The following CTTN variants were observed in gnomAD, a reference collection of about 807,000 sequenced individuals.
CTTN encodes src substrate cortactin.
A neutral mutation model predicts 84.0 loss-of-function variants in CTTN; 28 were observed. The observed-to-expected ratio is 0.33, with a 90% CI of 0.25 to 0.46. CTTN has a LOEUF of 0.46. CTTN is among the 20% of genes least tolerant of loss of function. CTTN has a pLI of 1.00. For synonymous variants in CTTN, 301 were observed against 288.8 expected (o/e 1.04, Z -0.43); for missense variants, 641 against 723.8 (o/e 0.89, Z 1.31).
intron 8 of CTTN, among the ~76,000 whole-genome samples, chr11:70,417,655 C>T (rs1164792317): frequency 6.6e-6 from 1 of 152,098 alleles, no homozygotes; most frequent in African/African-American, 2.4e-5. Flanking sequence ...GCCACCACGC[C>T]CAGCTAATTT....
chr11:70,423,856 G>A (rs551953597), intron 12 of CTTN, among the ~76,000 whole-genome samples: 1 of 152,314 alleles, frequency 6.6e-6, no homozygotes, highest in East Asian at 1.9e-4. Flanking sequence ...AGGAACACTG[G>A]GGGGGTCTAC....
At chr11:70,426,833 C>A (rs1367312859) in intron 13 of CTTN, among the ~76,000 whole-genome samples, 1 of 151,742 alleles carries the variant, frequency 6.6e-6, no homozygotes, top group Non-Finnish European at 1.5e-5. Context: ...ATCTCCTGAC[C>A]TCATGATCTG....
At position 70,407,571 on chromosome 11, in the gene CTTN, C is replaced by T. The variant is rs142633573; in HGVS notation, c.141C>T (p.Ser47=). Residue 47 remains serine (S), a synonymous_variant, in exon 4 of 18, where the codon TCC becomes TCT. Coordinates refer to ENST00000301843, the MANE Select transcript of CTTN (RefSeq NM_005231.4). ...GGGGTGCCAAGACGGTGCAGGGCTCCGGGCACCAGGAGCATATCAAGTAAG... is the reference window on the plus strand; with the variant it reads ...GGGGTGCCAAGACGGTGCAGGGCTCTGGGCACCAGGAGCATATCAAGTAAG... ...QRWGAKTVQG[S]GHQEHINIHK... 186 of 1,613,672 alleles carry T rather than the reference C, an allele frequency of 1.2e-4. No homozygotes were observed. In the African/African-American group the frequency reaches 1.8e-3, roughly 16 times the overall value.
Position 70,429,048 on chromosome 11 carries a change from T to C in CTTN, c.1028-3T>C. ...GCACACGTCCTCCCTCCTTCCTCTA[T>C]AGTGACCAGCAAAACAAGTAACATC... On this transcript the variant is annotated splice_polypyrimidine_tract_variant and splice_region_variant and intron_variant, in intron 13 of 17. Coordinates refer to ENST00000301843, the MANE Select transcript of CTTN (RefSeq NM_005231.4). 3.1e-6 allele frequency: 5 copies of C among 1,614,162 alleles called. No homozygotes were observed. Among genetic ancestry groups the C allele is most frequent in the South Asian group, 1.1e-5 (1 of 91,084 alleles).
intron 7 of CTTN, 162 bp from the exon 8 acceptor site, chr11:70,416,851 G>A (rs753725306): frequency 4.3e-5 from 27 of 625,440 alleles, no homozygotes; most frequent in East Asian, 1.9e-4. Context: ...ACAGGGTCCA[G>A]CGTCACCTGT....
intron 8 of CTTN, among the ~76,000 whole-genome samples, chr11:70,418,775 ATTTC>A (rs2058193570): frequency 7.0e-6 from 1 of 143,138 alleles, no homozygotes; most frequent in Non-Finnish European, 1.5e-5. Flanking sequence ...GCTGTACTTT[ATTTC>A]TTTTTTTTTT....
At chr11:70,425,876 CGATG>C (rs1323709569) in intron 13 of CTTN, among the ~76,000 whole-genome samples, 1 of 152,190 alleles carries the variant, frequency 6.6e-6, no homozygotes. Context: ...GCTGGACACA[CGATG>C]GAGTCAGATG....
intron 1 of CTTN, among the ~76,000 whole-genome samples, chr11:70,404,445 T>A (rs2058020864): frequency 6.6e-6 from 1 of 152,172 alleles, no homozygotes. Context: ...TCATTAGGAA[T>A]GCAGCCCGCC....
At chr11:70,426,901 A>G (rs561671064) in intron 13 of CTTN, among the ~76,000 whole-genome samples, 10 of 147,132 alleles carry the variant, frequency 6.8e-5, no homozygotes, top group Admixed American at 5.5e-4. Context: ...TGCCCGGCCA[A>G]ATTTTTTTAT....
chr11:70,399,220 A>G (rs1243932946), intron 1 of CTTN, among the ~76,000 whole-genome samples: 4 of 117,280 alleles, frequency 3.4e-5, no homozygotes, highest in African/African-American at 3.4e-5. Flanking sequence ...CGAGGGGAGG[A>G]GATTGGGGTC....
intron 17 of CTTN, 126 bp from the exon 18 acceptor site, chr11:70,434,900 G>A (rs537183507): frequency 5.1e-6 from 5 of 986,352 alleles, no homozygotes; most frequent in Non-Finnish European, 1.6e-6. Context: ...CTCCGCGGTG[G>A]TCCGCATCTC....
chr11:70,423,111 C>G lies in CTTN; in HGVS notation c.957+116C>G, dbSNP rs1053429276. On this transcript the variant is annotated intron_variant, in intron 12 of 17. Transcript: ENST00000301843. ...GGGGTGGGGCACAAGTGATTTCCGT[C>G]GTGGTGGTGGTGGTGGTGGCGATGA... is the stretch of plus-strand genomic sequence containing the variant. The G allele has an allele frequency of 2.9e-5, 36 of 1,260,758 alleles. No individual in the cohort carries two copies. In the South Asian group the frequency reaches 3.2e-4, roughly 11 times the overall value. 78.1% of individuals were successfully genotyped at this position (1,260,758 alleles called of 1,614,324 possible). A position where few individuals can be genotyped will look rare whatever the true frequency, so the allele number is the denominator to read the frequency against.
At chr11:70,421,712 G>A in intron 11 of CTTN, 132 bp downstream of exon 11, 1 of 687,812 alleles carries the variant, frequency 1.5e-6, no homozygotes, top group South Asian at 1.7e-5. Context: ...CTGTCAGGCT[G>A]TTCGGCACTT....
At chr11:70,408,693 C>G (rs2058069792) in intron 4 of CTTN, among the ~76,000 whole-genome samples, 1 of 152,176 alleles carries the variant, frequency 6.6e-6, no homozygotes, top group Non-Finnish European at 1.5e-5. Context: ...TGCCGCCGCA[C>G]CTGGCCCCCA....
chr11:70,401,562 C>A (rs536733409), intron 1 of CTTN, among the ~76,000 whole-genome samples: 4 of 151,958 alleles, frequency 2.6e-5, no homozygotes, highest in Admixed American at 2.6e-4. Flanking sequence ...GCAGGAGAAT[C>A]GCTTGAACCC....
chr11:70,415,752 G>A (rs761498150), intron 7 of CTTN, 35 bp downstream of exon 7: 49 of 1,609,488 alleles, frequency 3.0e-5, no homozygotes, highest in Admixed American at 6.7e-5. Context: ...AGCCCGCTCC[G>A]GGGGCCCCGA....
In CTTN at chr11:70,398,955, G is replaced by T. The variant is rs528209640; in HGVS notation, c.-98+341G>T. On this transcript the variant is annotated intron_variant, in intron 1 of 17. Transcript: ENST00000301843. ...AGCTCTGAGGGGAGGGTCCCTGGGC[G>T]CCGGGGGGCTCCAGGGCAGGAGAGG... 2.9e-3 allele frequency among the ~76,000 whole-genome samples: 440 copies of T among 150,770 alleles called. 4 individuals carry two copies. Among genetic ancestry groups the T allele is most frequent in the African/African-American group, 0.01 (427 of 40,998 alleles).
chr11:70,432,793 T>C (rs1322708687), intron 15 of CTTN, among the ~76,000 whole-genome samples: 1 of 152,076 alleles, frequency 6.6e-6, no homozygotes, highest in Non-Finnish European at 1.5e-5. Flanking sequence ...AAAGACAGGC[T>C]CTACCCCCAG....
chr11:70,408,875 G>A (rs2058071805), intron 4 of CTTN, among the ~76,000 whole-genome samples: 1 of 152,106 alleles, frequency 6.6e-6, no homozygotes, highest in South Asian at 2.1e-4. Context: ...GCGTTAAGCA[G>A]ACTCCTGAAT....
Sources: allele counts gnomAD v4.1 joint callset (sites outside exome capture counted in the v4.1 genomes callset), GRCh38; gene constraint gnomAD v4.1.1; transcripts MANE v1.5; gene names NCBI Gene and HGNC (gene_info 2026-07-23, HGNC 2026-07-21).